Variants in PRKCZ observed in about 807,000 individuals in gnomAD.
The protein encoded by PRKCZ is protein kinase C zeta, also known as protein kinase C zeta type.
PRKCZ carries 33 observed loss-of-function variants against 79.5 expected under a neutral mutation model. The ratio of observed to expected loss-of-function variants is 0.41; its 90% CI spans 0.31 to 0.55. The LOEUF is 0.55. Among genes scored for constraint, PRKCZ ranks in the 20% least tolerant of loss-of-function variants. The pLI is 0.19. For missense variants in PRKCZ, 578 were observed against 813.5 expected (o/e 0.71, Z 3.52); for synonymous variants, 342 against 320.9 (o/e 1.07, Z -0.70).
At chr1:2,109,007 G>A (rs949106311) in intron 4 of PRKCZ, among the ~76,000 whole-genome samples, 4 of 152,206 alleles carry the variant, frequency 2.6e-5, no homozygotes, top group African/African-American at 9.6e-5. Flanking sequence ...CTCTGCCTCC[G>A]TCTCACGTCA....
At chr1:2,096,844 C>T (rs1368200917) in intron 4 of PRKCZ, among the ~76,000 whole-genome samples, 1 of 152,224 alleles carries the variant, frequency 6.6e-6, no homozygotes, top group East Asian at 1.9e-4. Context: ...AATCTCCAGC[C>T]TGGGTTGCCA....
chr1:2,093,148 A>G (rs901236666), intron 4 of PRKCZ, among the ~76,000 whole-genome samples: 1 of 151,592 alleles, frequency 6.6e-6, no homozygotes, highest in Non-Finnish European at 1.5e-5. Flanking sequence ...GCCCTGAGAG[A>G]CCTGGCGGGA....
chr1:2,063,851 T>G (rs1315578264), intron 4 of PRKCZ, among the ~76,000 whole-genome samples: 3 of 151,028 alleles, frequency 2.0e-5, no homozygotes, highest in African/African-American at 2.4e-5. Context: ...ATTTCTTTTT[T>G]TTTTTTTTTT....
At position 2,149,527 on chromosome 1, in the gene PRKCZ, T is replaced by C. The variant is rs1462479378; in HGVS notation, c.687+603T>C. Among the ~76,000 whole-genome samples the C allele has an allele frequency of 1.3e-5, 2 of 152,186 alleles. No homozygotes were observed. The highest frequency in any genetic ancestry group is 2.9e-5 in the Non-Finnish European group (2 of 68,030). On this transcript the variant is annotated intron_variant, in intron 8 of 17. Transcript: ENST00000378567. This position sits in a 1 kb window ranked among gnomAD's most constrained non-coding sequence, Gnocchi z 4.1. Reference sequence around the variant, plus strand: ...CACCCTCACAACTCGTGCTCCTTCCTGGCCATCCTGTGTCTGGAGGGAGGC... The same window carrying C: ...CACCCTCACAACTCGTGCTCCTTCCCGGCCATCCTGTGTCTGGAGGGAGGC...
intron 10 of PRKCZ, among the ~76,000 whole-genome samples, chr1:2,163,298 T>C (rs1682675883): frequency 6.6e-6 from 1 of 152,204 alleles, no homozygotes; most frequent in Non-Finnish European, 1.5e-5. Context: ...AGACAGGGGC[T>C]CTGCCTGCAG....
chr1:2,104,139 C>T (rs1012531175), intron 4 of PRKCZ, among the ~76,000 whole-genome samples: 4 of 151,774 alleles, frequency 2.6e-5, no homozygotes, highest in African/African-American at 9.7e-5. Context: ...TCTCGGTTTC[C>T]GTGGCGGCTC....
intron 4 of PRKCZ, among the ~76,000 whole-genome samples, chr1:2,087,527 T>C (rs1218368544): frequency 6.6e-6 from 1 of 152,176 alleles, no homozygotes; most frequent in Non-Finnish European, 1.5e-5. Context: ...ACCCTGGGGC[T>C]TCTGTGTCTC....
rs528534591 is a variant in PRKCZ at position 2,148,076 on chromosome 1, A to G, written c.635-796A>G. On this transcript the variant is annotated intron_variant, in intron 7 of 17. Coordinates refer to ENST00000378567, the MANE Select transcript of PRKCZ (RefSeq NM_002744.6). The stretch of plus-strand genomic sequence containing the variant: ...CACTGACCTCTCCATCTATCCATCC[A>G]TCTATTGTCTACTGACCTCTCCATC... Among the ~76,000 whole-genome samples the G allele has an allele frequency of 3.1e-5, 3 of 95,664 alleles. No individual in the cohort carries two copies. The East Asian group carries it at 8.5e-4, about 27-fold the overall frequency. The allele number at this position is 95,664 out of a possible 152,430, so 62.8% of individuals were successfully genotyped here.
Position 2,149,521 on chromosome 1 carries a change from C to T in PRKCZ, c.687+597C>T, listed in dbSNP as rs1679407686. Among the ~76,000 whole-genome samples the T allele has an allele frequency of 6.6e-6, 1 of 152,184 alleles. No individual in the cohort carries two copies. The highest frequency in any genetic ancestry group is 6.5e-5 in the Admixed American group (1 of 15,272). On this transcript the variant is annotated intron_variant, in intron 8 of 17. Transcript: ENST00000378567. The surrounding 1 kb of genome is among the most constrained non-coding windows in gnomAD (Gnocchi z 4.1). ...AAGTGTCACCCTCACAACTCGTGCTCCTTCCTGGCCATCCTGTGTCTGGAG... is the reference window on the plus strand; with the variant it reads ...AAGTGTCACCCTCACAACTCGTGCTTCTTCCTGGCCATCCTGTGTCTGGAG...
chr1:2,112,852 G>C (rs1042053322), intron 4 of PRKCZ, among the ~76,000 whole-genome samples: 4 of 152,188 alleles, frequency 2.6e-5, no homozygotes, highest in Admixed American at 1.3e-4. Flanking sequence ...ACCATGTCTG[G>C]CTATTTTTTT....
At position 2,102,470 on chromosome 1, in the gene PRKCZ, G is replaced by C. The variant is rs192807387; in HGVS notation, c.335-32792G>C. Reference sequence around the variant, plus strand: ...GCCTCAGCCTCCCGAGTAGCTGGGAGTACAGGCGCCCACCACCACGTCCCG... The same window carrying C: ...GCCTCAGCCTCCCGAGTAGCTGGGACTACAGGCGCCCACCACCACGTCCCG... On this transcript the variant is annotated intron_variant, in intron 4 of 17. Coordinates refer to ENST00000378567, the MANE Select transcript of PRKCZ (RefSeq NM_002744.6). Among the ~76,000 whole-genome samples, 974 of 151,670 alleles carry C rather than the reference G, an allele frequency of 6.4e-3. 6 individuals are homozygous for C. The highest frequency in any genetic ancestry group is 0.019 in the South Asian group (93 of 4,782).
intron 4 of PRKCZ, among the ~76,000 whole-genome samples, chr1:2,067,665 T>C (rs1188125542): frequency 6.6e-6 from 1 of 152,138 alleles, no homozygotes; most frequent in Non-Finnish European, 1.5e-5. Context: ...GGGCCGCAGG[T>C]GCCTCGGGCC....
At chr1:2,176,763 C>T (rs574587421) in intron 16 of PRKCZ, among the ~76,000 whole-genome samples, 1 of 152,324 alleles carries the variant, frequency 6.6e-6, no homozygotes, top group South Asian at 2.1e-4. Context: ...AAGTCACTTT[C>T]TAGTCGAAGG....
intron 10 of PRKCZ, among the ~76,000 whole-genome samples, chr1:2,162,038 C>A (rs1489369619): frequency 6.6e-6 from 1 of 152,184 alleles, no homozygotes; most frequent in East Asian, 1.9e-4. Flanking sequence ...ACCATCCAGA[C>A]AGTTTTGCCT....
intron 9 of PRKCZ, among the ~76,000 whole-genome samples, chr1:2,151,215 A>G (rs1250745449): frequency 6.6e-6 from 1 of 152,264 alleles, no homozygotes; most frequent in Admixed American, 6.5e-5. Context: ...CCCAAACAGC[A>G]CAGCCAACTC....
chr1:2,138,171 A>C (rs1676607233), intron 5 of PRKCZ, among the ~76,000 whole-genome samples: 2 of 152,318 alleles, frequency 1.3e-5, no homozygotes, highest in South Asian at 2.1e-4. Context: ...GTTTTGTGTG[A>C]ATCAGTAAGA....
intron 4 of PRKCZ, among the ~76,000 whole-genome samples, chr1:2,102,316 T>TC: frequency 8.1e-6 from 1 of 123,160 alleles, no homozygotes; most frequent in Non-Finnish European, 1.5e-5. Context: ...TTTATTGCGT[T>TC]TTTTTTTTTG....
chr1:2,108,522 G>A (rs72907439), intron 4 of PRKCZ, among the ~76,000 whole-genome samples: 5 of 152,360 alleles, frequency 3.3e-5, no homozygotes, highest in African/African-American at 4.8e-5. Context: ...GGCTGGCTGC[G>A]AGGAGGAGGT....
intron 4 of PRKCZ, among the ~76,000 whole-genome samples, chr1:2,083,716 C>T (rs1025977432): frequency 2.6e-5 from 4 of 151,870 alleles, no homozygotes; most frequent in African/African-American, 9.7e-5. Context: ...GGGTGAATTC[C>T]AGTGTGTCAG....
Sources: gnomAD v4.1 joint callset for allele counts (sites outside exome capture counted in the v4.1 genomes callset) on GRCh38, gnomAD v4.1.1 for gene constraint, Gnocchi (gnomAD v3.1) non-coding constraint, MANE v1.5 for transcripts, NCBI Gene and HGNC (gene_info 2026-07-23, HGNC 2026-07-21) for gene names.